Variants in NTAQ1 observed in about 807,000 individuals in gnomAD.
NTAQ1 encodes N-terminal glutamine amidase 1.
NTAQ1 carries 21 observed loss-of-function variants against 28.2 expected under a neutral mutation model. The observed-to-expected ratio is 0.74, with a 90% CI of 0.53 to 1.07. The LOEUF (loss-of-function observed/expected upper bound fraction) is 1.07, where lower values mean the gene tolerates loss of function less well. NTAQ1 is among the 50% of genes least tolerant of loss of function. The probability of loss-of-function intolerance (pLI) is 0.00; values close to 1 mark genes in which losing one functional copy is unlikely to be tolerated. For missense variants in NTAQ1, 264 were observed against 256.6 expected (o/e 1.03, Z -0.20); for synonymous variants, 105 against 90.0 (o/e 1.17, Z -0.94).
chr8:123,416,759 G>A (rs1813313543), upstream of NTAQ1: 12 of 1,282,150 alleles, frequency 9.4e-6, no homozygotes, highest in South Asian at 1.7e-5. Flanking sequence ...CCCACGCCGG[G>A]AACCCACGCG....
chr8:123,464,455 G>C (rs1023617896), intron 6 of NTAQ1, among the ~76,000 whole-genome samples: 1 of 152,192 alleles, frequency 6.6e-6, no homozygotes. Flanking sequence ...CGAGAGGTCA[G>C]AGTGGCAGCG....
downstream of NTAQ1, among the ~76,000 whole-genome samples, chr8:123,452,714 C>A (rs1815538668): frequency 6.6e-6 from 1 of 151,128 alleles, no homozygotes; most frequent in Admixed American, 6.6e-5. Flanking sequence ...CCAGCCCGAC[C>A]AACATGGAGA....
exon 7 of NTAQ1, among the ~76,000 whole-genome samples, chr8:123,468,824 A>G (rs1211528844): frequency 6.6e-6 from 1 of 152,182 alleles, no homozygotes; most frequent in East Asian, 1.9e-4. Flanking sequence ...TACATTCCAC[A>G]AACAGTGCAC....
At chr8:123,419,820 CCT>C (rs1813571068) in intron 1 of NTAQ1, among the ~76,000 whole-genome samples, 1 of 145,462 alleles carries the variant, frequency 6.9e-6, no homozygotes, top group African/African-American at 2.5e-5. Flanking sequence ...TCCCTCCCTC[CCT>C]CTCTCCCTTT....
intron 1 of NTAQ1, among the ~76,000 whole-genome samples, chr8:123,426,242 A>G (rs1459901418): frequency 6.6e-6 from 1 of 152,202 alleles, no homozygotes; most frequent in Non-Finnish European, 1.5e-5. Context: ...ACTGGGCATC[A>G]CTTTACTTAG....
chr8:123,419,340 C>T lies in NTAQ1; in HGVS notation c.83+2408C>T, dbSNP rs1485358155. ...TCTTGAACTCCTGACCTCAGGTGAT[C>T]CACCTGCCTCAGCCTCCCAAAATTC... is the stretch of plus-strand genomic sequence containing the variant. On this transcript the variant is annotated intron_variant, in intron 1 of 5. Transcript: ENST00000287387. 2.0e-5 allele frequency among the ~76,000 whole-genome samples: 3 copies of T among 152,180 alleles called. No homozygotes were observed. The East Asian group carries it at 5.8e-4, about 29-fold the overall frequency.
chr8:123,456,541 T>C (rs372026818), intron 6 of NTAQ1, among the ~76,000 whole-genome samples: 14 of 152,220 alleles, frequency 9.2e-5, no homozygotes, highest in African/African-American at 2.7e-4. Flanking sequence ...TATTAATCCT[T>C]ACAGGAATTA....
exon 7 of NTAQ1, among the ~76,000 whole-genome samples, chr8:123,468,115 C>A (rs760875624): frequency 1.6e-4 from 25 of 152,164 alleles, no homozygotes; most frequent in Non-Finnish European, 3.1e-4. Context: ...TGGGAAAGGG[C>A]CTCAGGAGAT....
chr8:123,469,723 A>G (rs1563910343), exon 7 of NTAQ1, among the ~76,000 whole-genome samples: 3 of 152,322 alleles, frequency 2.0e-5, no homozygotes, highest in Middle Eastern at 3.4e-3. Context: ...TTGTTTTACT[A>G]ATTCATTCAC....
intron 2 of NTAQ1, among the ~76,000 whole-genome samples, chr8:123,429,738 G>T (rs1050738792): frequency 6.6e-6 from 1 of 151,908 alleles, no homozygotes; most frequent in African/African-American, 2.4e-5. Flanking sequence ...AAATTAGCTG[G>T]GTGTGGTGGC....
chr8:123,450,010 T>C (rs1020621518), downstream of NTAQ1, among the ~76,000 whole-genome samples: 23 of 126,556 alleles, frequency 1.8e-4, no homozygotes, highest in Admixed American at 1.7e-3. Flanking sequence ...AGTGGAGAGA[T>C]GTAGGATAGG....
At chr8:123,449,357 A>T (rs1031974827), downstream of NTAQ1, among the ~76,000 whole-genome samples, 3 of 152,208 alleles carry the variant, frequency 2.0e-5, no homozygotes, top group African/African-American at 7.2e-5. Flanking sequence ...GCTTGTGTAC[A>T]TTCAGCATAT....
exon 7 of NTAQ1, among the ~76,000 whole-genome samples, chr8:123,468,208 CTTTA>C (rs1816002623): frequency 6.6e-6 from 1 of 152,320 alleles, no homozygotes; most frequent in African/African-American, 2.4e-5. Flanking sequence ...AAATTCAAAA[CTTTA>C]TTTATGTATT....
At chr8:123,440,182 G>A (rs1814972300) in intron 5 of NTAQ1, among the ~76,000 whole-genome samples, 1 of 94,760 alleles carries the variant, frequency 1.1e-5, no homozygotes, top group Non-Finnish European at 1.9e-5. Context: ...TTGAGACGGA[G>A]TCTTGCTCTA....
downstream of NTAQ1, among the ~76,000 whole-genome samples, chr8:123,452,691 C>T (rs145540260): frequency 0.022 from 3,336 of 151,810 alleles, 112 homozygotes; most frequent in African/African-American, 0.074. Context: ...CACCTGAGGT[C>T]AGGCATTTGA....
chr8:123,466,052 C>T (rs529185672), intron 6 of NTAQ1, among the ~76,000 whole-genome samples: 9 of 152,192 alleles, frequency 5.9e-5, no homozygotes, highest in South Asian at 2.1e-4. Flanking sequence ...GAGAGGAAGC[C>T]AAAGAGTGAA....
At chr8:123,447,694 C>T (rs1211942961) in intron 6 of NTAQ1, among the ~76,000 whole-genome samples, 1 of 152,198 alleles carries the variant, frequency 6.6e-6, no homozygotes, top group Non-Finnish European at 1.5e-5. Context: ...AACCACCATC[C>T]TGCTTTCTAA....
chr8:123,426,269 G>C (rs1814049633), intron 1 of NTAQ1, among the ~76,000 whole-genome samples: 1 of 152,170 alleles, frequency 6.6e-6, no homozygotes, highest in Admixed American at 6.6e-5. Flanking sequence ...TCTGACTACT[G>C]CTTCAGATAG....
At chr8:123,459,359 A>G (rs548863674) in intron 6 of NTAQ1, among the ~76,000 whole-genome samples, 3 of 152,300 alleles carry the variant, frequency 2.0e-5, no homozygotes, top group Admixed American at 2.0e-4. Flanking sequence ...CTCCCAGCAC[A>G]TGGACGTGTT....
Sources: gnomAD v4.1 joint callset for allele counts (sites outside exome capture counted in the v4.1 genomes callset) on GRCh38, gnomAD v4.1.1 for gene constraint, MANE v1.5 for transcripts, NCBI Gene and HGNC (gene_info 2026-07-23, HGNC 2026-07-21) for gene names.